Variants in RTN4RL1 observed in about 807,000 individuals in gnomAD.
RTN4RL1 encodes the protein reticulon-4 receptor-like 1.
In RTN4RL1, 7 loss-of-function variants were observed where a neutral mutation model predicts 25.6. The ratio of observed to expected loss-of-function variants is 0.27; its 90% CI spans 0.16 to 0.51. The LOEUF is 0.51. RTN4RL1 is among the 20% of genes least tolerant of loss of function. The pLI is 0.97. For synonymous variants in RTN4RL1, 297 were observed against 288.2 expected (o/e 1.03, Z -0.31); for missense variants, 500 against 615.6 (o/e 0.81, Z 1.99).
At chr17:2,022,483 A>G (rs1231099496) in intron 1 of RTN4RL1, among the ~76,000 whole-genome samples, 1 of 152,172 alleles carries the variant, frequency 6.6e-6, no homozygotes, top group Admixed American at 6.5e-5. Flanking sequence ...AAACTTTGGG[A>G]AGAATTCTAG....
At chr17:1,939,502 A>G (rs1915397287) in intron 1 of RTN4RL1, among the ~76,000 whole-genome samples, 1 of 152,114 alleles carries the variant, frequency 6.6e-6, no homozygotes, top group Non-Finnish European at 1.5e-5. Context: ...GGCTGCCCCA[A>G]TCCCGGCCCA....
chr17:1,993,005 G>A (rs2066915987), intron 1 of RTN4RL1, among the ~76,000 whole-genome samples: 1 of 152,192 alleles, frequency 6.6e-6, no homozygotes, highest in Non-Finnish European at 1.5e-5. Flanking sequence ...CACTTTGGGA[G>A]GCCGAGGCAG....
intron 1 of RTN4RL1, among the ~76,000 whole-genome samples, chr17:1,940,236 A>G (rs1915413384): frequency 6.6e-6 from 1 of 152,138 alleles, no homozygotes; most frequent in Non-Finnish European, 1.5e-5. Flanking sequence ...AAATCATCGT[A>G]CATAATTTGT....
rs1000542102 is a variant in RTN4RL1, at chr17:1,935,568, C to A, written c.*928G>T. The A allele has an allele frequency of 1.0e-6, 1 of 985,262 alleles. No individual in the cohort carries two copies. Among genetic ancestry groups the A allele is most frequent in the South Asian group, 4.7e-5 (1 of 21,266 alleles). The allele number at this position is 985,262 out of a possible 1,614,324, so 61.0% of individuals were successfully genotyped here. A position where few individuals can be genotyped will look rare whatever the true frequency, so the allele number is the denominator to read the frequency against. ...AGACTATCGTTGCCAGTTTGGGATTCTAGACAAAAATTCTATCACTTTGTT... is the reference window on the plus strand; with the variant it reads ...AGACTATCGTTGCCAGTTTGGGATTATAGACAAAAATTCTATCACTTTGTT... On this transcript the variant is annotated 3_prime_UTR_variant, in exon 2 of 2. Transcript: ENST00000331238.
chr17:1,948,760 G>C (rs1389844017), intron 1 of RTN4RL1, among the ~76,000 whole-genome samples: 5 of 152,228 alleles, frequency 3.3e-5, no homozygotes, highest in African/African-American at 9.6e-5. Context: ...AGGGGTGTGA[G>C]GGGGAGGGCG....
At chr17:1,957,844 A>AAAC (rs369021398) in intron 1 of RTN4RL1, among the ~76,000 whole-genome samples, 4 of 147,684 alleles carry the variant, frequency 2.7e-5, no homozygotes, top group Admixed American at 7.0e-5. Flanking sequence ...ACTCTGTCTC[A>AAAC]AACAACAACA....
At chr17:1,954,422 C>G (rs1288494245) in intron 1 of RTN4RL1, among the ~76,000 whole-genome samples, 2 of 133,312 alleles carry the variant, frequency 1.5e-5, no homozygotes, top group East Asian at 4.8e-4. Context: ...GAGTCTCGCT[C>G]TTGCCACCCA....
intron 1 of RTN4RL1, among the ~76,000 whole-genome samples, chr17:1,939,884 C>T (rs977854007): frequency 6.6e-5 from 10 of 152,238 alleles, no homozygotes; most frequent in Non-Finnish European, 2.9e-5. Context: ...AGCTAGCCTC[C>T]AGCCCCTTTG....
chr17:1,940,342 C>T (rs373034717), intron 1 of RTN4RL1, among the ~76,000 whole-genome samples: 2 of 152,224 alleles, frequency 1.3e-5, no homozygotes, highest in South Asian at 2.1e-4. Flanking sequence ...TGGGCCAAGC[C>T]GTGCTCTCTG....
At chr17:2,013,482 A>G (rs1302091943) in intron 1 of RTN4RL1, among the ~76,000 whole-genome samples, 1 of 152,242 alleles carries the variant, frequency 6.6e-6, no homozygotes, top group African/African-American at 2.4e-5. Flanking sequence ...AGAGCAGGCC[A>G]ACTGTGCTGG....
chr17:1,940,857 G>C (rs1482813070), intron 1 of RTN4RL1, among the ~76,000 whole-genome samples: 1 of 152,170 alleles, frequency 6.6e-6, no homozygotes, highest in Non-Finnish European at 1.5e-5. Context: ...TAGCTCAAGG[G>C]TGTTCATGGT....
At chr17:2,008,754 G>T (rs996413201) in intron 1 of RTN4RL1, among the ~76,000 whole-genome samples, 8 of 152,022 alleles carry the variant, frequency 5.3e-5, no homozygotes, top group Non-Finnish European at 1.2e-4. Flanking sequence ...TTGTCGCGTT[G>T]CTCTCCAGCC....
intron 1 of RTN4RL1, among the ~76,000 whole-genome samples, chr17:1,991,446 T>TAAAAAAAAA (rs764604442): frequency 9.6e-5 from 3 of 31,240 alleles, no homozygotes; most frequent in African/African-American, 3.6e-4. Flanking sequence ...ATGCACATAG[T>TAAAAAAAAA]AAAAAAAAAA....
At chr17:2,021,854 CTT>C (rs869227846) in intron 1 of RTN4RL1, among the ~76,000 whole-genome samples, 8,170 of 88,320 alleles carry the variant, frequency 0.093, 379 homozygotes, top group South Asian at 0.2. Context: ...TGTGCCCGGT[CTT>C]TTTTTTTTTT....
Position 1,936,343 on chromosome 17 carries a change from A to C in RTN4RL1, c.*153T>G. On this transcript the variant is annotated 3_prime_UTR_variant, in exon 2 of 2. Coordinates refer to ENST00000331238, the MANE Select transcript of RTN4RL1 (RefSeq NM_178568.4). ...GCTGTACACTTTGGGTTTATAATCC[A>C]CATGGCAGGGTCCAGACGTCCAGAC... 7.0e-7 allele frequency: 1 copy of C among 1,429,186 alleles called. No homozygotes were observed. Among genetic ancestry groups the C allele is most frequent in the South Asian group, 1.5e-5 (1 of 66,326 alleles). 88.5% of individuals were successfully genotyped at this position (1,429,186 alleles called of 1,614,324 possible).
At position 1,935,950 on chromosome 17, in the gene RTN4RL1, C is replaced by T. The variant is rs1046330199; in HGVS notation, c.*546G>A. ...ACATCAGGAATGAGAGGCGCTACCC[C>T]CGAGGGAGGGGCTGAAGGTGGAGTA... On this transcript the variant is annotated 3_prime_UTR_variant, in exon 2 of 2. Coordinates refer to ENST00000331238, the MANE Select transcript of RTN4RL1 (RefSeq NM_178568.4). 2 of 985,680 alleles carry T rather than the reference C, an allele frequency of 2.0e-6. No homozygotes were observed. The highest frequency in any genetic ancestry group is 2.4e-6 in the Non-Finnish European group (2 of 830,008). 61.1% of individuals were successfully genotyped at this position (985,680 alleles called of 1,614,324 possible).
intron 1 of RTN4RL1, among the ~76,000 whole-genome samples, chr17:1,939,222 G>GGA (rs1915387291): frequency 1.3e-5 from 2 of 151,040 alleles, no homozygotes; most frequent in South Asian, 4.2e-4. Context: ...GCGTGGTGGC[G>GGA]CGCACTTGTA....
chr17:1,962,516 G>A (rs2066769431), intron 1 of RTN4RL1, among the ~76,000 whole-genome samples: 1 of 151,682 alleles, frequency 6.6e-6, no homozygotes, highest in South Asian at 2.1e-4. Context: ...TCGCCATCAC[G>A]CCTGGTGTAG....
At chr17:1,939,092 C>A (rs1320547659) in intron 1 of RTN4RL1, among the ~76,000 whole-genome samples, 1 of 151,414 alleles carries the variant, frequency 6.6e-6, no homozygotes, top group African/African-American at 2.4e-5. Flanking sequence ...GTGGCTCACA[C>A]CTGTAGTCTC....
Sources: allele counts gnomAD v4.1 joint callset (sites outside exome capture counted in the v4.1 genomes callset), GRCh38; gene constraint gnomAD v4.1.1; transcripts MANE v1.5; gene names NCBI Gene and HGNC (gene_info 2026-07-23, HGNC 2026-07-21).